The following DHRS4L2 variants were observed in gnomAD, a reference collection of about 807,000 sequenced individuals.
DHRS4L2 encodes dehydrogenase/reductase SDR family member 4-like 2.
In DHRS4L2, 22 loss-of-function variants were observed where a neutral mutation model predicts 23.9. The ratio of observed to expected loss-of-function variants is 0.92; its 90% CI spans 0.66 to 1.31. DHRS4L2 has a LOEUF of 1.31. DHRS4L2 is among the 40% of genes most tolerant of loss of function. The pLI is 0.00. For missense variants in DHRS4L2, 385 were observed against 303.3 expected, an observed-to-expected ratio of 1.27 and a Z score of -2.00; for synonymous variants, 141 against 123.7, an observed-to-expected ratio of 1.14 and a Z score of -0.93.
chr14:23,976,351 T>C (rs1340701607), intron 1 of DHRS4L2, among the ~76,000 whole-genome samples: 2 of 151,764 alleles, frequency 1.3e-5, no homozygotes, highest in Non-Finnish European at 2.9e-5. Flanking sequence ...GACATATGAA[T>C]AAATGCTCAT....
intron 2 of DHRS4L2, among the ~76,000 whole-genome samples, chr14:23,994,669 CAG>C (rs2034341827): frequency 6.6e-6 from 1 of 151,678 alleles, no homozygotes; most frequent in African/African-American, 2.4e-5. Flanking sequence ...GTCTGGATGA[CAG>C]AGCAAGACTC....
chr14:23,995,774 GC>G (rs1208295404), intron 3 of DHRS4L2, among the ~76,000 whole-genome samples: 7 of 151,520 alleles, frequency 4.6e-5, no homozygotes, highest in Non-Finnish European at 8.8e-5. Context: ...TAATTACAAA[GC>G]TTTAATTAAA....
At chr14:23,984,999 G>T (rs1391353119), upstream of DHRS4L2, among the ~76,000 whole-genome samples, 1 of 151,196 alleles carries the variant, frequency 6.6e-6, no homozygotes. Context: ...TAGGGAGAAA[G>T]GGGTGGTTGT....
chr14:24,001,073 A>G lies in DHRS4L2; in HGVS notation c.520A>G (p.Ser174Gly). Residue 174 changes from serine to glycine, a missense_variant, in exon 5 of 8, where the codon AGT becomes GGT. Physicochemically the swap from Ser to Gly is moderately conservative, Grantham distance 56. Transcript: ENST00000335125. Reference sequence around the variant, plus strand: ...GATCGTGTCTTCCATAGCAGCCTTCAGTCCATCTCCTGTAAGAACCCTTTT... The same window carrying G: ...GATCGTGTCTTCCATAGCAGCCTTCGGTCCATCTCCTGTAAGAACCCTTTT... Reference protein sequence around the residue: ...VVIVSSIAAFSPSPGFSPYNV... With the variant: ...VVIVSSIAAFGPSPGFSPYNV... 1 of 1,611,010 alleles carries G rather than the reference A, an allele frequency of 6.2e-7. No individual in the cohort carries two copies. The highest frequency in any genetic ancestry group is 8.5e-7 in the Non-Finnish European group (1 of 1,179,408).
chr14:23,990,769 G>A (rs1295398728), intron 2 of DHRS4L2: 7 of 561,884 alleles, frequency 1.2e-5, no homozygotes, highest in African/African-American at 1.2e-4. Flanking sequence ...CATTTCCTGT[G>A]TTCAGAGCCT....
upstream of DHRS4L2, among the ~76,000 whole-genome samples, chr14:23,986,589 A>C (rs2034146771): frequency 6.6e-6 from 1 of 151,358 alleles, no homozygotes; most frequent in Non-Finnish European, 1.5e-5. Flanking sequence ...AGGAAGGGCC[A>C]TGTGTTGTTC....
intron 1 of DHRS4L2, among the ~76,000 whole-genome samples, chr14:23,977,394 T>C (rs150982884): frequency 0.19 from 29,289 of 151,486 alleles, 3,286 homozygotes; most frequent in South Asian, 0.26. Flanking sequence ...CAAGTTGCAG[T>C]TCTGCAAGTT....
rs1218344957 is a variant in DHRS4L2 at position 23,999,088 on chromosome 14, G to A, written c.409-1775G>A. Among the ~76,000 whole-genome samples the A allele has an allele frequency of 3.4e-5, 5 of 147,480 alleles. 1 individual carries two copies. On this transcript the variant is annotated intron_variant, in intron 3 of 7. Coordinates refer to ENST00000335125, the MANE Select transcript of DHRS4L2 (RefSeq NM_198083.4). ...CAGAGAGGGAGAGAGATGAGAGAAG[G>A]GCAGAGCAGTCAGAACACACAACAT...
chr14:23,983,805 C>A (rs538036890), intron 1 of DHRS4L2, among the ~76,000 whole-genome samples: 11 of 151,688 alleles, frequency 7.3e-5, no homozygotes, highest in African/African-American at 2.7e-4. Flanking sequence ...ACCACATGTT[C>A]TCACTCATAA....
rs765615694 is a variant in DHRS4L2 at position 23,990,286 on chromosome 14, G to T, written c.233G>T (p.Gly78Val). ...GACCAGGCGGTGGCCACGCTGCAGG[G>T]GGAGGGGCTGAGCGTGACGGGCACT... is the stretch of plus-strand genomic sequence containing the variant. ...NVDQAVATLQ[G>V]EGLSVTGTVC... Residue 78 changes from glycine to valine, a missense_variant, in exon 2 of 8, where the codon GGG becomes GTG. Transcript: ENST00000335125. The T allele has an allele frequency of 6.2e-7, 1 of 1,612,546 alleles. No individual in the cohort carries two copies. Among genetic ancestry groups the T allele is most frequent in the Non-Finnish European group, 8.5e-7 (1 of 1,179,246 alleles).
chr14:23,973,507 T>A (rs1594450092), intron 1 of DHRS4L2, among the ~76,000 whole-genome samples: 1 of 151,240 alleles, frequency 6.6e-6, no homozygotes, highest in South Asian at 2.1e-4. Context: ...GTGCCAAGAG[T>A]GAGCGAGGGC....
At chr14:23,977,655 C>G (rs1424140069) in intron 1 of DHRS4L2, among the ~76,000 whole-genome samples, 2 of 151,692 alleles carry the variant, frequency 1.3e-5, no homozygotes, top group Non-Finnish European at 2.9e-5. Context: ...AACTTCTGTT[C>G]TCAAATTATA....
chr14:23,974,247 CAG>C (rs1179180179), intron 1 of DHRS4L2, among the ~76,000 whole-genome samples: 1 of 148,504 alleles, frequency 6.7e-6, no homozygotes, highest in East Asian at 1.9e-4. Context: ...ACATTTAAAA[CAG>C]TGTGTAGAGG....
intron 3 of DHRS4L2, among the ~76,000 whole-genome samples, chr14:24,000,271 T>A (rs1481503562): frequency 6.7e-6 from 1 of 149,028 alleles, no homozygotes. Context: ...GTAAACAGGG[T>A]CATACATTTG....
intron 1 of DHRS4L2, 83 bp from the exon 2 acceptor site, chr14:23,990,099 G>A (rs2034234566): frequency 1.4e-5 from 22 of 1,569,844 alleles, no homozygotes; most frequent in South Asian, 7.0e-5. Flanking sequence ...ATTCAAACCC[G>A]GGCAGTCTTA....
intron 3 of DHRS4L2, 57 bp downstream of exon 3, chr14:23,995,190 T>C (rs1013879066): frequency 6.3e-7 from 1 of 1,580,098 alleles, no homozygotes; most frequent in Non-Finnish European, 8.7e-7. Flanking sequence ...CAGCACAAAC[T>C]CCATCTGCTT....
intron 2 of DHRS4L2, 97 bp downstream of exon 2, chr14:23,990,456 T>C (rs1056682417): frequency 5.5e-6 from 8 of 1,457,530 alleles, no homozygotes; most frequent in Non-Finnish European, 7.3e-6. Context: ...ACATTTTTAC[T>C]GTGTGCCTTT....
intron 3 of DHRS4L2, among the ~76,000 whole-genome samples, chr14:23,999,251 G>T (rs2034438562): frequency 7.2e-6 from 1 of 139,304 alleles, no homozygotes; most frequent in African/African-American, 2.6e-5. Context: ...AATATTCCAA[G>T]AATTACCAAA....
In DHRS4L2 at chr14:23,995,014, C is replaced by A. The variant is rs112221846; in HGVS notation, c.307-18C>A. The A allele has an allele frequency of 7.6e-3, 12,135 of 1,601,874 alleles. 172 individuals carry two copies. The highest frequency in any genetic ancestry group is 0.025 in the African/African-American group (1,842 of 72,674). On this transcript the variant is annotated intron_variant, in intron 2 of 7. Coordinates refer to ENST00000335125, the MANE Select transcript of DHRS4L2 (RefSeq NM_198083.4). ...TTACTTACTGCAGCCCTGGTCCAGA[C>A]CTTACCCCTCTCTCTAGGCTGTGAA...
Sources: gnomAD v4.1 joint callset for allele counts (sites outside exome capture counted in the v4.1 genomes callset) on GRCh38, gnomAD v4.1.1 for gene constraint, MANE v1.5 for transcripts, NCBI Gene and HGNC (gene_info 2026-07-23, HGNC 2026-07-21) for gene names.